Variants in ANK1 observed in about 807,000 individuals in gnomAD.
ANK1 encodes ankyrin-1.
In ANK1, 51 loss-of-function variants were observed where a neutral mutation model predicts 210.4. The ratio of observed to expected loss-of-function variants is 0.24; its 90% CI spans 0.19 to 0.31. The LOEUF (loss-of-function observed/expected upper bound fraction) is 0.31, where lower values mean the gene tolerates loss of function less well. Ranked by LOEUF, ANK1 falls within the 10% of genes least tolerant of loss-of-function variation. The pLI is 1.00. For missense variants in ANK1, 2,051 were observed against 2,504.4 expected (o/e 0.82, Z 3.86); for synonymous variants, 967 against 1,025.9 (o/e 0.94, Z 1.10).
intron 1 of ANK1, among the ~76,000 whole-genome samples, chr8:41,762,439 G>T (rs1329091629): frequency 6.6e-6 from 1 of 151,982 alleles, no homozygotes; most frequent in East Asian, 1.9e-4. Context: ...TGTCTCCCCA[G>T]CCAAACTGTT....
At chr8:41,663,791 G>A (rs1809377591) in intron 39 of ANK1, 49 bp from the exon 40 acceptor site, 1 of 1,453,116 alleles carries the variant, frequency 6.9e-7, no homozygotes, top group African/African-American at 1.4e-5. Context: ...GTGGGAGTCT[G>A]GGAGGAAGGG....
chr8:41,728,319 G>T (rs918045957), intron 3 of ANK1, among the ~76,000 whole-genome samples: 1 of 152,206 alleles, frequency 6.6e-6, no homozygotes. Flanking sequence ...CAACTCAGAA[G>T]CAGAAAGTCA....
At chr8:41,738,331 C>T (rs1242379826) in intron 2 of ANK1, among the ~76,000 whole-genome samples, 4 of 152,232 alleles carry the variant, frequency 2.6e-5, no homozygotes, top group African/African-American at 9.6e-5. Context: ...CACCTCTCCT[C>T]CAGCAATTGG....
intron 1 of ANK1, among the ~76,000 whole-genome samples, chr8:41,835,995 G>A (rs1032362885): frequency 2.0e-5 from 3 of 152,202 alleles, no homozygotes; most frequent in African/African-American, 4.8e-5. Flanking sequence ...GAAGGACCAC[G>A]GCTCAGGTCT....
intron 37 of ANK1, among the ~76,000 whole-genome samples, chr8:41,673,627 C>G (rs1813210097): frequency 6.6e-6 from 1 of 152,164 alleles, no homozygotes; most frequent in South Asian, 2.1e-4. Flanking sequence ...CAAGAGGCAC[C>G]AGGTCTGCCC....
chr8:41,826,374 C>A (rs1056292045), intron 1 of ANK1, among the ~76,000 whole-genome samples: 2 of 152,120 alleles, frequency 1.3e-5, no homozygotes, highest in Admixed American at 6.5e-5. Context: ...GAGCTGGTCC[C>A]TTCCTCCTCA....
At chr8:41,663,939 G>T (rs1345658908) in intron 39 of ANK1, 197 bp from the exon 40 acceptor site, 8 of 665,072 alleles carry the variant, frequency 1.2e-5, no homozygotes, top group South Asian at 3.1e-5. Context: ...GAGGGTCTGG[G>T]AGGCCTGAAG....
Position 41,694,845 on chromosome 8 carries a change from C to G in ANK1, c.3116-42G>C. On this transcript the variant is annotated intron_variant, in intron 27 of 42. Coordinates refer to ENST00000289734, the MANE Select transcript of ANK1 (RefSeq NM_000037.4). The surrounding 1 kb of genome is among the most constrained non-coding windows in gnomAD (Gnocchi z 5.7). ...AGGCCACCACCCCGGTCACATCAGG[C>G]ACAGGTTCAGGACTTCCAGGGGCCC... The G allele has an allele frequency of 1.2e-6, 2 of 1,602,870 alleles. No individual in the cohort carries two copies. Among genetic ancestry groups the G allele is most frequent in the Non-Finnish European group, 1.7e-6 (2 of 1,172,172 alleles).
At chr8:41,690,381 C>T (rs1818938260) in intron 32 of ANK1, 35 bp from the exon 33 acceptor site, 1 of 1,614,216 alleles carries the variant, frequency 6.2e-7, no homozygotes, top group East Asian at 2.2e-5. Flanking sequence ...ATTCAGGGGC[C>T]CTTTTCTAGG....
At position 41,672,622 on chromosome 8, in the gene ANK1, G is replaced by A; in HGVS notation, c.4828C>T (p.Pro1610Ser). The change falls in exon 38 of 43, where the codon CCG becomes TCG. Residue 1610 changes from proline (P) to serine (S), a missense_variant. Coordinates refer to ENST00000289734, the MANE Select transcript of ANK1 (RefSeq NM_000037.4). ...WKLEGALSEE[P>S]RGPELGSLEL... ...AGAGAGCCCAACTCGGGGCCCCGCG[G>A]TTCCTCTGAGAGTGCCCCCTCCAAC... 6.2e-7 allele frequency: 1 copy of A among 1,614,194 alleles called. No individual in the cohort carries two copies. Among genetic ancestry groups the A allele is most frequent in the Non-Finnish European group, 8.5e-7 (1 of 1,180,044 alleles).
chr8:41,863,812 A>G (rs1813757794), intron 1 of ANK1, among the ~76,000 whole-genome samples: 1 of 152,212 alleles, frequency 6.6e-6, no homozygotes, highest in East Asian at 1.9e-4. Context: ...ACCTCCCACA[A>G]TAGCGAATGT....
intron 1 of ANK1, among the ~76,000 whole-genome samples, chr8:41,777,041 A>G (rs988576298): frequency 6.6e-6 from 1 of 152,178 alleles, no homozygotes; most frequent in Non-Finnish European, 1.5e-5. Flanking sequence ...GCTCTTTCAG[A>G]TATCTTTTCA....
Position 41,849,176 on chromosome 8 carries a change from G to A in ANK1, c.126+47179C>T, listed in dbSNP as rs185859502. On this transcript the variant is annotated intron_variant, in intron 1 of 42. Transcript: ENST00000265709. ...CACTTCATATCCTCTGCCCATCTTC[G>A]AAGGCCTAACGGAAACCTTCTGGGT... Among the ~76,000 whole-genome samples the A allele has an allele frequency of 1.4e-4, 22 of 152,288 alleles. No individual in the cohort carries two copies. The East Asian group carries it at 3.3e-3, about 23-fold the overall frequency.
intron 2 of ANK1, among the ~76,000 whole-genome samples, chr8:41,756,001 C>T (rs1839054925): frequency 6.6e-6 from 1 of 152,192 alleles, no homozygotes; most frequent in Non-Finnish European, 1.5e-5. Context: ...ACTTCTGTTT[C>T]CCATCACATA....
chr8:41,780,800 G>A (rs1368487628), intron 1 of ANK1, among the ~76,000 whole-genome samples: 1 of 152,202 alleles, frequency 6.6e-6, no homozygotes, highest in Non-Finnish European at 1.5e-5. Context: ...TCTCGTGTGT[G>A]TGTATGTATC....
chr8:41,772,687 C>T (rs1214730039), intron 1 of ANK1, among the ~76,000 whole-genome samples: 1 of 152,222 alleles, frequency 6.6e-6, no homozygotes, highest in Non-Finnish European at 1.5e-5. Context: ...AATGTGTGGA[C>T]TCAGTTGTGC....
chr8:41,714,906 G>A lies in ANK1; in HGVS notation c.1701+70C>T, dbSNP rs558085971. 12 of 1,435,604 alleles carry A rather than the reference G, an allele frequency of 8.4e-6. No homozygotes were observed. The East Asian group carries it at 2.5e-4, about 30-fold the overall frequency. The allele number at this position is 1,435,604 out of a possible 1,614,324, so 88.9% of individuals were successfully genotyped here. A position where few individuals can be genotyped will look rare whatever the true frequency, so the allele number is the denominator to read the frequency against. ...CACAGGCAAGAGATGGAATCTGCAAGTGCTGATGTCCATCCTCTGTCCTTG... is the reference window on the plus strand; with the variant it reads ...CACAGGCAAGAGATGGAATCTGCAAATGCTGATGTCCATCCTCTGTCCTTG... On this transcript the variant is annotated intron_variant, in intron 15 of 42. Coordinates refer to ENST00000289734, the MANE Select transcript of ANK1 (RefSeq NM_000037.4).
chr8:41,709,583 C>T (rs761709590), intron 16 of ANK1, among the ~76,000 whole-genome samples: 5 of 152,224 alleles, frequency 3.3e-5, no homozygotes, highest in Admixed American at 2.6e-4. Flanking sequence ...GTTCATTTCT[C>T]GAAGTTGTTA....
At chr8:41,710,645 G>A (rs1001480288) in intron 16 of ANK1, among the ~76,000 whole-genome samples, 6 of 152,228 alleles carry the variant, frequency 3.9e-5, no homozygotes, top group Non-Finnish European at 8.8e-5. Context: ...CTGGACATGC[G>A]CCCACCCAGG....
Sources: allele counts gnomAD v4.1 joint callset (sites outside exome capture counted in the v4.1 genomes callset), GRCh38; gene constraint gnomAD v4.1.1; non-coding constraint Gnocchi (gnomAD v3.1); transcripts MANE v1.5; gene names NCBI Gene and HGNC (gene_info 2026-07-23, HGNC 2026-07-21).